Variants in MACROD2 observed in about 807,000 individuals in gnomAD.
MACROD2 encodes the protein ADP-ribose glycohydrolase MACROD2.
In MACROD2, 36 loss-of-function variants were observed where a neutral mutation model predicts 70.4. The observed-to-expected ratio is 0.51, with a 90% CI of 0.39 to 0.68. MACROD2 has a LOEUF of 0.68. Ranked by LOEUF, MACROD2 falls within the 30% of genes least tolerant of loss-of-function variation. The probability of loss-of-function intolerance (pLI) is 0.00; values close to 1 mark genes in which losing one functional copy is unlikely to be tolerated. For synonymous variants in MACROD2, 172 were observed against 178.8 expected, an observed-to-expected ratio of 0.96 and a Z score of 0.30; for missense variants, 496 against 538.4, an observed-to-expected ratio of 0.92 and a Z score of 0.78.
At chr20:15,730,053 C>T (rs1321270812) in intron 8 of MACROD2, among the ~76,000 whole-genome samples, 4 of 152,064 alleles carry the variant, frequency 2.6e-5, no homozygotes, top group African/African-American at 9.7e-5. Flanking sequence ...GTCTTGAACT[C>T]CTGACCTCAG....
chr20:14,281,740 G>T (rs2082307726), intron 3 of MACROD2, among the ~76,000 whole-genome samples: 1 of 151,872 alleles, frequency 6.6e-6, no homozygotes, highest in South Asian at 2.1e-4. Flanking sequence ...TTAGAGACCA[G>T]CCTGACCAAA....
intron 3 of MACROD2, among the ~76,000 whole-genome samples, chr20:14,487,050 A>G (rs2084743833): frequency 1.3e-5 from 2 of 152,194 alleles, no homozygotes; most frequent in African/African-American, 4.8e-5. Context: ...ATAGCAGTGA[A>G]CATCTCAGAG....
chr20:15,836,456 T>C (rs1177331690), intron 8 of MACROD2, among the ~76,000 whole-genome samples: 1 of 152,172 alleles, frequency 6.6e-6, no homozygotes, highest in Non-Finnish European at 1.5e-5. Context: ...TTATTCACAA[T>C]GAAGGCATAA....
chr20:14,300,832 G>A (rs925515136), intron 3 of MACROD2, among the ~76,000 whole-genome samples: 1 of 151,108 alleles, frequency 6.6e-6, no homozygotes, highest in Non-Finnish European at 1.5e-5. Flanking sequence ...GGCAAGCAGA[G>A]GAAATAGTTG....
chr20:15,336,631 A>C (rs536319791), intron 6 of MACROD2, among the ~76,000 whole-genome samples: 1 of 49,234 alleles, frequency 2.0e-5, no homozygotes, highest in African/African-American at 9.6e-5. Context: ...TTACATTTCA[A>C]AAGTCTTGCT....
chr20:15,098,836 G>T (rs934064478), intron 5 of MACROD2, among the ~76,000 whole-genome samples: 10 of 152,228 alleles, frequency 6.6e-5, no homozygotes, highest in Admixed American at 6.5e-4. Flanking sequence ...GTGTTCTAGA[G>T]AGGGAACAGC....
intron 15 of MACROD2, among the ~76,000 whole-genome samples, chr20:16,004,185 G>A (rs144279071): frequency 6.3e-4 from 96 of 152,226 alleles, no homozygotes; most frequent in Admixed American, 1.3e-3. Context: ...ACCTCTTCCC[G>A]ACTCCAACCC....
Position 14,767,298 on chromosome 20 carries a change from C to T in MACROD2, c.418+82339C>T, listed in dbSNP as rs1568784317. ...CCATGGTCAACAGTTATCCAGAATC[C>T]GACTTGGTATAAAAGGATTAATTTT... On this transcript the variant is annotated intron_variant, in intron 5 of 17. Transcript: ENST00000684519. 4.6e-5 allele frequency among the ~76,000 whole-genome samples: 7 copies of T among 151,876 alleles called. No individual in the cohort carries two copies. The South Asian group carries it at 6.2e-4, about 14-fold the overall frequency.
chr20:14,721,453 A>G (rs920651604), intron 5 of MACROD2, among the ~76,000 whole-genome samples: 4 of 152,116 alleles, frequency 2.6e-5, no homozygotes, highest in Non-Finnish European at 5.9e-5. Context: ...TTACATTTAG[A>G]CCAATCTAGA....
intron 3 of MACROD2, among the ~76,000 whole-genome samples, chr20:14,420,542 C>T (rs886399539): frequency 1.3e-5 from 2 of 152,086 alleles, no homozygotes; most frequent in Non-Finnish European, 2.9e-5. Flanking sequence ...CTATTCAAAT[C>T]CTTTCCCCAT....
At chr20:14,359,820 C>T (rs764976101) in intron 3 of MACROD2, among the ~76,000 whole-genome samples, 6 of 152,070 alleles carry the variant, frequency 3.9e-5, no homozygotes, top group South Asian at 2.1e-4. Flanking sequence ...TGAGATTGCA[C>T]GACTGCACTC....
At chr20:15,284,046 A>G (rs1313145180) in intron 6 of MACROD2, among the ~76,000 whole-genome samples, 1 of 152,208 alleles carries the variant, frequency 6.6e-6, no homozygotes, top group African/African-American at 2.4e-5. Flanking sequence ...TAAAAATAAT[A>G]CTAATACAAC....
At chr20:15,226,570 A>G (rs1050105468) in intron 5 of MACROD2, among the ~76,000 whole-genome samples, 1 of 152,312 alleles carries the variant, frequency 6.6e-6, no homozygotes, top group East Asian at 1.9e-4. Context: ...CATTAAAATT[A>G]TAATAGCTGT....
At chr20:14,634,613 G>A (rs1273257823) in intron 4 of MACROD2, among the ~76,000 whole-genome samples, 1 of 143,192 alleles carries the variant, frequency 7.0e-6, no homozygotes, top group East Asian at 2.1e-4. Flanking sequence ...GAGAATTTGG[G>A]CAAATCAGGA....
chr20:15,054,505 A>T (rs553892959), intron 5 of MACROD2, among the ~76,000 whole-genome samples: 2 of 152,300 alleles, frequency 1.3e-5, no homozygotes, highest in South Asian at 2.1e-4. Context: ...AGTATTTTTT[A>T]AATTAAGGTA....
chr20:15,302,914 A>G (rs888191143), intron 6 of MACROD2, among the ~76,000 whole-genome samples: 4 of 152,314 alleles, frequency 2.6e-5, no homozygotes, highest in African/African-American at 7.2e-5. Context: ...TGAACCTGCT[A>G]CTTATATCCT....
At chr20:15,712,068 C>G (rs1202022519) in intron 8 of MACROD2, among the ~76,000 whole-genome samples, 2 of 152,136 alleles carry the variant, frequency 1.3e-5, no homozygotes, top group Admixed American at 1.3e-4. Flanking sequence ...CAAGAATACA[C>G]CAGTCCTATT....
At chr20:14,854,540 G>A (rs946830109) in intron 5 of MACROD2, among the ~76,000 whole-genome samples, 91 of 151,964 alleles carry the variant, frequency 6.0e-4, no homozygotes, top group African/African-American at 2.1e-3. Context: ...CACAACTTGG[G>A]CTTATGCTAT....
At chr20:15,587,783 A>G (rs916632886) in intron 8 of MACROD2, among the ~76,000 whole-genome samples, 2 of 152,166 alleles carry the variant, frequency 1.3e-5, no homozygotes, top group African/African-American at 4.8e-5. Context: ...GTGGGTTCCC[A>G]TGGTCTTGGG....
Sources: gnomAD v4.1 joint callset for allele counts (sites outside exome capture counted in the v4.1 genomes callset) on GRCh38, gnomAD v4.1.1 for gene constraint, MANE v1.5 for transcripts, NCBI Gene and HGNC (gene_info 2026-07-23, HGNC 2026-07-21) for gene names.